The following CNBD2 variants were observed in gnomAD, a reference collection of about 807,000 sequenced individuals.
The protein encoded by CNBD2 is cyclic nucleotide-binding domain-containing protein 2.
A neutral mutation model predicts 63.7 loss-of-function variants in CNBD2; 64 were observed. That is an observed-to-expected ratio of 1.00 (90% confidence interval 0.82 to 1.24). The LOEUF (loss-of-function observed/expected upper bound fraction) is 1.24. Among genes scored for constraint, CNBD2 ranks in the 50% most tolerant of loss-of-function variants. The pLI, the probability that CNBD2 is intolerant of heterozygous loss-of-function variation, is 0.00. For synonymous variants in CNBD2, 229 were observed against 255.4 expected, an observed-to-expected ratio of 0.90 and a Z score of 0.99; for missense variants, 691 against 713.5, an observed-to-expected ratio of 0.97 and a Z score of 0.36.
At chr20:36,025,204 CACTT>C (rs2057268884) in intron 11 of CNBD2, among the ~76,000 whole-genome samples, 1 of 152,084 alleles carries the variant, frequency 6.6e-6, no homozygotes, top group Admixed American at 6.6e-5. Flanking sequence ...CTTTATAAAA[CACTT>C]ACCCGAGAGA....
Position 35,983,118 on chromosome 20 carries a change from G to A in CNBD2, c.408-864G>A, listed in dbSNP as rs142469856. 3.5e-3 allele frequency among the ~76,000 whole-genome samples: 515 copies of A among 147,886 alleles called. 1 individual carries two copies. The highest frequency in any genetic ancestry group is 0.012 in the African/African-American group (487 of 40,138). On this transcript the variant is annotated intron_variant, in intron 4 of 11. Transcript: ENST00000373973. The stretch of plus-strand genomic sequence containing the variant: ...AATCCCAGCACTTTGCAAGGCCAAG[G>A]TGGGAGGATCCTTGAGCCCAGGAGT...
chr20:36,006,624 C>T (rs2056988539), intron 8 of CNBD2, among the ~76,000 whole-genome samples: 1 of 152,122 alleles, frequency 6.6e-6, no homozygotes, highest in African/African-American at 2.4e-5. Flanking sequence ...GCCATGTTGC[C>T]CAGACTGGTC....
At chr20:35,982,711 T>A (rs1386212591) in intron 4 of CNBD2, among the ~76,000 whole-genome samples, 1 of 151,844 alleles carries the variant, frequency 6.6e-6, no homozygotes, top group Non-Finnish European at 1.5e-5. Flanking sequence ...AAAGTCTGTG[T>A]TGTTCATTGT....
At chr20:35,954,836 G>A (rs189573064) in exon 1 of CNBD2, 1 of 321,606 alleles carries the variant, frequency 3.1e-6, no homozygotes, top group East Asian at 1.1e-4. Flanking sequence ...AATGATTAGG[G>A]TGACGGCTGG....
chr20:35,980,367 G>A, intron 3 of CNBD2, 92 bp from the exon 4 acceptor site: 1 of 1,188,176 alleles, frequency 8.4e-7, no homozygotes, highest in Non-Finnish European at 1.2e-6. Context: ...CAGGGAACGG[G>A]AGAGTGTACA....
At chr20:36,011,433 T>G (rs1359802983) in intron 10 of CNBD2, among the ~76,000 whole-genome samples, 176 bp downstream of exon 10, 4 of 152,194 alleles carry the variant, frequency 2.6e-5, no homozygotes, top group Non-Finnish European at 5.9e-5. Context: ...ACACCTGTAA[T>G]CCCAGCACTA....
chr20:35,972,661 A>C lies in CNBD2; in HGVS notation c.84A>C (p.Ile28=). ...ACCAGCTCGCCATGGATATCATCATAATGATCCGAGTGTGTAAAATGTTCC... is the reference window on the plus strand; with the variant it reads ...ACCAGCTCGCCATGGATATCATCATCATGATCCGAGTGTGTAAAATGTTCC... ...GLYQLAMDII[I]MIRVCKMFRQ... is the part of the protein sequence containing the mutation. Residue 28 remains isoleucine (I), a synonymous_variant, in exon 2 of 12, where the codon ATA becomes ATC. Coordinates refer to ENST00000373973, the MANE Select transcript of CNBD2 (RefSeq NM_001365709.1). The C allele has an allele frequency of 6.2e-7, 1 of 1,614,032 alleles. No individual in the cohort carries two copies. The highest frequency in any genetic ancestry group is 8.5e-7 in the Non-Finnish European group (1 of 1,179,942).
At chr20:35,970,590 A>G (rs1188580226) in intron 1 of CNBD2, among the ~76,000 whole-genome samples, 3 of 151,450 alleles carry the variant, frequency 2.0e-5, no homozygotes, top group East Asian at 2.0e-4. Context: ...TGCAGATGGG[A>G]TTTCACCATG....
intron 7 of CNBD2, among the ~76,000 whole-genome samples, 174 bp downstream of exon 7, chr20:35,987,707 T>C (rs573446054): frequency 6.6e-6 from 1 of 152,336 alleles, no homozygotes; most frequent in Non-Finnish European, 1.5e-5. Flanking sequence ...AGAGCATGGC[T>C]AGAGACATTA....
chr20:35,999,421 C>G (rs2056867629), intron 8 of CNBD2, among the ~76,000 whole-genome samples: 1 of 151,910 alleles, frequency 6.6e-6, no homozygotes, highest in African/African-American at 2.4e-5. Context: ...ATAATTCAAT[C>G]TTATTTTCTT....
intron 4 of CNBD2, among the ~76,000 whole-genome samples, chr20:35,983,609 G>T (rs1352439388): frequency 6.6e-6 from 1 of 152,196 alleles, no homozygotes; most frequent in Non-Finnish European, 1.5e-5. Flanking sequence ...TTGGATCCTG[G>T]GCTAACGCTA....
chr20:36,023,633 A>G lies in CNBD2; in HGVS notation c.1301A>G (p.Glu434Gly). ...CACCAGGCCTTCCTTCCAGAGGGTGAATGCGACACACGACCCTTGATCCTG... is the reference window on the plus strand; with the variant it reads ...CACCAGGCCTTCCTTCCAGAGGGTGGATGCGACACACGACCCTTGATCCTG... Reference protein sequence around the residue: ...GLHQAFLPEGECDTRPLILMS... With the variant: ...GLHQAFLPEGGCDTRPLILMS... The change falls in exon 11 of 12, where the codon GAA becomes GGA. Residue 434 changes from glutamate to glycine, a missense_variant. Coordinates refer to ENST00000373973, the MANE Select transcript of CNBD2 (RefSeq NM_001365709.1). 1 of 1,610,314 alleles carries G rather than the reference A, an allele frequency of 6.2e-7. No homozygotes were observed. Among genetic ancestry groups the G allele is most frequent in the South Asian group, 1.1e-5 (1 of 90,416 alleles).
At chr20:36,006,064 T>C (rs1378017669) in intron 8 of CNBD2, among the ~76,000 whole-genome samples, 1 of 151,712 alleles carries the variant, frequency 6.6e-6, no homozygotes, top group South Asian at 2.1e-4. Context: ...AGTCTTGCCC[T>C]GTCACCCAGG....
At chr20:36,007,306 C>A (rs1028381391) in intron 8 of CNBD2, among the ~76,000 whole-genome samples, 3 of 151,812 alleles carry the variant, frequency 2.0e-5, no homozygotes, top group Non-Finnish European at 4.4e-5. Flanking sequence ...ATTATATTTC[C>A]TTCGAGTTTT....
At chr20:35,962,281 CAG>C (rs1207915100) in intron 2 of CNBD2, among the ~76,000 whole-genome samples, 28 of 129,560 alleles carry the variant, frequency 2.2e-4, no homozygotes, top group Middle Eastern at 5.5e-3. Context: ...TTTTTTGAGA[CAG>C]AGTCTTGCTC....
chr20:36,024,986 T>A (rs1176307747), intron 11 of CNBD2, among the ~76,000 whole-genome samples: 1 of 152,190 alleles, frequency 6.6e-6, no homozygotes, highest in Non-Finnish European at 1.5e-5. Flanking sequence ...AGCAGCCATA[T>A]TCATAATAGA....
chr20:35,983,961 C>T (rs930201460), intron 4 of CNBD2, 21 bp from the exon 5 acceptor site: 2 of 1,614,156 alleles, frequency 1.2e-6, no homozygotes, highest in African/African-American at 1.3e-5. Context: ...ACCCAATCAA[C>T]TAGCAGTGGT....
At chr20:36,023,306 C>A (rs1206363767) in intron 10 of CNBD2, among the ~76,000 whole-genome samples, 1 of 152,080 alleles carries the variant, frequency 6.6e-6, no homozygotes, top group Non-Finnish European at 1.5e-5. Context: ...GGGTAGATCA[C>A]CTGAGGTCAG....
exon 1 of CNBD2, chr20:35,954,848 CG>C (rs1223283223): frequency 1.6e-5 from 5 of 304,660 alleles, no homozygotes; most frequent in Non-Finnish European, 3.4e-5. Flanking sequence ...GACGGCTGGC[CG>C]GGGCTCGTTC....
Sources: gnomAD v4.1 joint callset for allele counts (sites outside exome capture counted in the v4.1 genomes callset) on GRCh38, gnomAD v4.1.1 for gene constraint, MANE v1.5 for transcripts, NCBI Gene and HGNC (gene_info 2026-07-23, HGNC 2026-07-21) for gene names.